The following LYN variants were observed in gnomAD, a reference collection of about 807,000 sequenced individuals.
The protein encoded by LYN is LYN proto-oncogene, Src family tyrosine kinase, also known as tyrosine-protein kinase Lyn.
Under a neutral mutation model 65.0 loss-of-function variants are expected in LYN, and 12 were observed. That is an observed-to-expected ratio of 0.18 (90% CI 0.12 to 0.30). The LOEUF (loss-of-function observed/expected upper bound fraction) is 0.30. Among genes scored for constraint, LYN ranks in the 10% least tolerant of loss-of-function variants. LYN has a pLI of 1.00. For missense variants in LYN, 380 were observed against 623.2 expected, an observed-to-expected ratio of 0.61 and a Z score of 4.16; for synonymous variants, 222 against 221.2, an observed-to-expected ratio of 1.00 and a Z score of -0.03.
intron 1 of LYN, among the ~76,000 whole-genome samples, chr8:55,940,618 C>T (rs781463762): frequency 1.3e-5 from 2 of 152,220 alleles, no homozygotes; most frequent in East Asian, 1.9e-4. Flanking sequence ...TCGTGATCCG[C>T]CTTCCTTGGC....
intron 10 of LYN, among the ~76,000 whole-genome samples, chr8:55,974,412 T>C (rs1807695978): frequency 6.6e-6 from 1 of 152,140 alleles, no homozygotes; most frequent in African/African-American, 2.4e-5. Context: ...CATTTTAAGG[T>C]GGAAATTGGT....
intron 9 of LYN, among the ~76,000 whole-genome samples, chr8:55,968,708 T>C (rs1807527741): frequency 6.6e-6 from 1 of 152,248 alleles, no homozygotes; most frequent in South Asian, 2.1e-4. Flanking sequence ...TACTGAGCAC[T>C]TGCTACCTGT....
At chr8:55,961,922 G>A (rs1031602742) in intron 8 of LYN, among the ~76,000 whole-genome samples, 9 of 127,530 alleles carry the variant, frequency 7.1e-5, no homozygotes, top group African/African-American at 2.4e-4. Context: ...CAGCTATTCC[G>A]ACCTTCCTGA....
At chr8:55,965,108 T>A (rs2130520660) in intron 8 of LYN, among the ~76,000 whole-genome samples, 1 of 152,246 alleles carries the variant, frequency 6.6e-6, no homozygotes, top group South Asian at 2.1e-4. Context: ...ATTATTAATA[T>A]TTCTGCTTTG....
intron 5 of LYN, 44 bp downstream of exon 5, chr8:55,950,601 A>G (rs1563525172): frequency 2.5e-6 from 4 of 1,571,196 alleles, no homozygotes; most frequent in Non-Finnish European, 3.5e-6. Context: ...TATTTGCCAC[A>G]TTGGATTTCT....
Position 55,880,043 on chromosome 8 carries a change from C to A in LYN, c.-66C>A. Reference sequence around the variant, plus strand: ...TCCTGCTGGGCCGCCCCGTCGCGCCCCCCACTCTGAACTCAAGTCACCGTG... The same window carrying A: ...TCCTGCTGGGCCGCCCCGTCGCGCCACCCACTCTGAACTCAAGTCACCGTG... On this transcript the variant is annotated 5_prime_UTR_variant, in exon 1 of 13. Transcript: ENST00000519728. 3.2e-6 allele frequency: 1 copy of A among 313,878 alleles called. No homozygotes were observed. The highest frequency in any genetic ancestry group is 2.3e-5 in the South Asian group (1 of 43,552). 19.4% of individuals were successfully genotyped at this position (313,878 alleles called of 1,614,324 possible).
At chr8:55,898,175 C>A (rs1011312689) in intron 1 of LYN, among the ~76,000 whole-genome samples, 1 of 152,268 alleles carries the variant, frequency 6.6e-6, no homozygotes, top group Middle Eastern at 3.4e-3. Flanking sequence ...CAATGCCTGG[C>A]AACTGCTGAC....
rs1808778364 is a variant in LYN, at chr8:56,010,261, C to T, written c.*151C>T. ...GAGGCTAAATTACTCAGGAAGAACA[C>T]CCTCTAAATGGGAAAGTATTCTGTA... is the stretch of plus-strand genomic sequence containing the variant. On this transcript the variant is annotated 3_prime_UTR_variant, in exon 13 of 13. Transcript: ENST00000519728. 1 of 718,004 alleles carries T rather than the reference C, an allele frequency of 1.4e-6. No individual in the cohort carries two copies. The highest frequency in any genetic ancestry group is 2.7e-5 in the East Asian group (1 of 36,640). 44.5% of individuals were successfully genotyped at this position (718,004 alleles called of 1,614,324 possible). A position where few individuals can be genotyped will look rare whatever the true frequency, so the allele number is the denominator to read the frequency against.
At chr8:55,989,693 A>T (rs1808189219) in intron 10 of LYN, among the ~76,000 whole-genome samples, 1 of 152,212 alleles carries the variant, frequency 6.6e-6, no homozygotes, top group Non-Finnish European at 1.5e-5. Context: ...ACCATCTGAG[A>T]CAGGTCTCCA....
rs1806777222 is a variant in LYN, at chr8:55,946,355, A to G, written c.133-93A>G. 1.1e-5 allele frequency: 9 copies of G among 823,456 alleles called. 1 individual carries two copies. The highest frequency in any genetic ancestry group is 1.9e-5 in the Non-Finnish European group (9 of 476,276). 51.0% of individuals were successfully genotyped at this position (823,456 alleles called of 1,614,324 possible). On this transcript the variant is annotated intron_variant, in intron 2 of 12. Transcript: ENST00000519728. The stretch of plus-strand genomic sequence containing the variant: ...ACTTAATAAATGAGCCCATCCTAAC[A>G]TCTGCTACTGTTACAAAAATCATAT...
intron 1 of LYN, among the ~76,000 whole-genome samples, chr8:55,916,994 C>T (rs561601032): frequency 4.7e-4 from 71 of 151,824 alleles, no homozygotes; most frequent in Middle Eastern, 3.4e-3. Context: ...CTGGCCAACA[C>T]GGTGAAACCC....
intron 10 of LYN, among the ~76,000 whole-genome samples, chr8:55,988,314 G>A (rs1039798976): frequency 1.3e-5 from 2 of 151,890 alleles, no homozygotes; most frequent in Non-Finnish European, 2.9e-5. Context: ...GTGTGTGTGT[G>A]TGTGTGTGTG....
At chr8:55,930,904 G>A (rs947673542) in intron 1 of LYN, among the ~76,000 whole-genome samples, 1 of 151,950 alleles carries the variant, frequency 6.6e-6, no homozygotes, top group Non-Finnish European at 1.5e-5. Flanking sequence ...CTCCCAGCTT[G>A]GCCTCCAGTG....
intron 8 of LYN, among the ~76,000 whole-genome samples, chr8:55,964,148 T>G (rs1383253234): frequency 1.3e-5 from 2 of 150,180 alleles, no homozygotes; most frequent in Non-Finnish European, 3.0e-5. Context: ...CCTAGGATGG[T>G]TTTTTTTTGT....
chr8:55,926,490 G>A (rs1330377074), intron 1 of LYN, among the ~76,000 whole-genome samples: 1 of 152,218 alleles, frequency 6.6e-6, no homozygotes, highest in African/African-American at 2.4e-5. Flanking sequence ...CGTATTAGGA[G>A]TGATGACTTT....
At chr8:55,966,040 G>A (rs1218625434) in intron 8 of LYN, among the ~76,000 whole-genome samples, 11 of 152,016 alleles carry the variant, frequency 7.2e-5, no homozygotes, top group South Asian at 2.1e-4. Flanking sequence ...CATAAGAATC[G>A]CTTGAAACCA....
chr8:56,012,651 C>G lies in LYN; in HGVS notation c.*2541C>G, dbSNP rs2130609073. 1 of 152,554 alleles carries G rather than the reference C, an allele frequency of 6.6e-6. No homozygotes were observed. The highest frequency in any genetic ancestry group is 1.9e-4 in the East Asian group (1 of 5,214). The allele number at this position is 152,554 out of a possible 1,614,324, so 9.5% of individuals were successfully genotyped here. A position where few individuals can be genotyped will look rare whatever the true frequency, so the allele number is the denominator to read the frequency against. On this transcript the variant is annotated 3_prime_UTR_variant, in exon 13 of 13. Transcript: ENST00000519728. ...GGAGGATTGCTTGAGCCCAGGAAGT[C>G]AAGGCTGCAGTGAGCTATGATCGTG...
intron 1 of LYN, among the ~76,000 whole-genome samples, chr8:55,936,064 T>G (rs1353987924): frequency 6.6e-6 from 1 of 152,216 alleles, no homozygotes; most frequent in Non-Finnish European, 1.5e-5. Flanking sequence ...GGTTTCTGTG[T>G]TGGTGGGCAA....
Position 55,950,483 on chromosome 8 carries a change from G to C in LYN, c.309G>C (p.Lys103Asn). Residue 103 changes from lysine (K) to asparagine (N), a missense_variant, in exon 5 of 13, where the codon AAG (lysine) becomes AAC (asparagine). Coordinates refer to ENST00000519728, the MANE Select transcript of LYN (RefSeq NM_002350.4). Reference protein sequence around the residue: ...LEEHGEWWKAKSLLTKKEGFI... With the variant: ...LEEHGEWWKANSLLTKKEGFI... ...GGCATGGAGAATGGTGGAAAGCAAAGTCCCTTTTAACAAAAAAAGAAGGCT... is the reference window on the plus strand; with the variant it reads ...GGCATGGAGAATGGTGGAAAGCAAACTCCCTTTTAACAAAAAAAGAAGGCT... The C allele has an allele frequency of 6.2e-7, 1 of 1,612,856 alleles. No individual in the cohort carries two copies. The highest frequency in any genetic ancestry group is 1.1e-5 in the South Asian group (1 of 90,696).
Sources: allele counts gnomAD v4.1 joint callset (sites outside exome capture counted in the v4.1 genomes callset), GRCh38; gene constraint gnomAD v4.1.1; transcripts MANE v1.5; gene names NCBI Gene and HGNC (gene_info 2026-07-23, HGNC 2026-07-21).